The following SH2D4B variants were observed in gnomAD, a reference collection of about 807,000 sequenced individuals.
SH2D4B encodes the protein SH2 domain containing 4B.
In SH2D4B, 45 loss-of-function variants were observed where a neutral mutation model predicts 61.5. That is an observed-to-expected ratio of 0.73 (90% CI 0.58 to 0.94). The LOEUF (loss-of-function observed/expected upper bound fraction) is 0.94, where lower values mean the gene tolerates loss of function less well. Ranked by LOEUF, SH2D4B falls within the 40% of genes least tolerant of loss-of-function variation. The pLI, the probability that SH2D4B is intolerant of heterozygous loss-of-function variation, is 0.00. For synonymous variants in SH2D4B, 224 were observed against 220.4 expected (o/e 1.02, Z -0.14); for missense variants, 572 against 574.2 (o/e 1.00, Z 0.04).
At chr10:80,563,201 G>A (rs1015736288) in intron 1 of SH2D4B, among the ~76,000 whole-genome samples, 1 of 152,156 alleles carries the variant, frequency 6.6e-6, no homozygotes, top group Non-Finnish European at 1.5e-5. Context: ...GCGCCCGGCC[G>A]ATGCTGAACA....
At chr10:80,564,409 C>T (rs1841941332) in intron 1 of SH2D4B, among the ~76,000 whole-genome samples, 1 of 152,172 alleles carries the variant, frequency 6.6e-6, no homozygotes. Flanking sequence ...TGCAAGATTC[C>T]TTTCTCCTTG....
At chr10:80,624,383 G>A (rs1336482889) in intron 6 of SH2D4B, among the ~76,000 whole-genome samples, 2 of 152,138 alleles carry the variant, frequency 1.3e-5, no homozygotes, top group Non-Finnish European at 2.9e-5. Flanking sequence ...CCTAGAAAAC[G>A]CTCTTTCCTT....
At chr10:80,608,873 C>T (rs1842553938) in intron 5 of SH2D4B, among the ~76,000 whole-genome samples, 2 of 152,158 alleles carry the variant, frequency 1.3e-5, no homozygotes, top group South Asian at 4.1e-4. Flanking sequence ...TTCTGCCTTA[C>T]AAAAGCGCAG....
chr10:80,640,812 TC>T (rs1341209950), intron 7 of SH2D4B, among the ~76,000 whole-genome samples: 1 of 152,222 alleles, frequency 6.6e-6, no homozygotes. Flanking sequence ...AAGTCATTCT[TC>T]CTCCAGCTTT....
At position 80,578,330 on chromosome 10, in the gene SH2D4B, T is replaced by C. The variant is rs185271991; in HGVS notation, c.495+6752T>C. ...CAACAACCTTCATTTAATACTCTCT[T>C]TTTTTCCTGAGAACCTAAGGGGAGG... On this transcript the variant is annotated intron_variant, in intron 3 of 7. Coordinates refer to ENST00000646907, the MANE Select transcript of SH2D4B (RefSeq NM_001388272.1). Among the ~76,000 whole-genome samples the C allele has an allele frequency of 2.8e-3, 426 of 152,198 alleles. 11 individuals are homozygous for C. Among genetic ancestry groups the C allele is most frequent in the Non-Finnish European group, 8.4e-4 (57 of 68,030 alleles).
At chr10:80,549,207 G>A (rs1254004024) in intron 1 of SH2D4B, among the ~76,000 whole-genome samples, 1 of 120,180 alleles carries the variant, frequency 8.3e-6, no homozygotes, top group Non-Finnish European at 1.7e-5. Context: ...ACTTGATTGT[G>A]TGTGTGTGTG....
At position 80,537,913 on chromosome 10, in the gene SH2D4B, A is replaced by ACT. The variant is rs1417380315; in HGVS notation, c.-417_-416dup. On this transcript the variant is annotated 5_prime_UTR_variant, in exon 1 of 8. Coordinates refer to ENST00000646907, the MANE Select transcript of SH2D4B (RefSeq NM_001388272.1). ...CATTGTTACCTTCCACTAACAGATC[A>ACT]CTCGACACCTACCAGCCCAGGCAGG... 1 of 153,118 alleles carries ACT rather than the reference A, an allele frequency of 6.5e-6. No homozygotes were observed. 9.5% of individuals were successfully genotyped at this position (153,118 alleles called of 1,614,324 possible).
At chr10:80,577,956 T>C (rs1446833447) in intron 3 of SH2D4B, among the ~76,000 whole-genome samples, 1 of 147,296 alleles carries the variant, frequency 6.8e-6, no homozygotes, top group Non-Finnish European at 1.5e-5. Flanking sequence ...AGAGATTGGC[T>C]TAGATAATTT....
At chr10:80,606,176 T>A (rs1261493171) in intron 5 of SH2D4B, among the ~76,000 whole-genome samples, 3 of 152,092 alleles carry the variant, frequency 2.0e-5, no homozygotes, top group Non-Finnish European at 4.4e-5. Flanking sequence ...TAAGAGCAGA[T>A]GCATGCCGCT....
intron 6 of SH2D4B, among the ~76,000 whole-genome samples, chr10:80,629,583 G>A (rs549699471): frequency 1.1e-4 from 16 of 152,274 alleles, no homozygotes; most frequent in Non-Finnish European, 1.8e-4. Flanking sequence ...GGTTGTGGTG[G>A]GGGACACAGC....
chr10:80,550,261 C>T (rs1411848414), intron 1 of SH2D4B, among the ~76,000 whole-genome samples: 1 of 152,142 alleles, frequency 6.6e-6, no homozygotes, highest in Non-Finnish European at 1.5e-5. Flanking sequence ...GAAGATGCAC[C>T]CCTATGCATT....
intron 7 of SH2D4B, among the ~76,000 whole-genome samples, chr10:80,635,847 C>T (rs1840155967): frequency 6.6e-6 from 1 of 151,996 alleles, no homozygotes; most frequent in South Asian, 2.1e-4. Flanking sequence ...TGTGCACAAC[C>T]TGCAGGTTTG....
At chr10:80,549,129 A>T (rs1421951843) in intron 1 of SH2D4B, among the ~76,000 whole-genome samples, 4 of 151,886 alleles carry the variant, frequency 2.6e-5, no homozygotes, top group Non-Finnish European at 5.9e-5. Flanking sequence ...TTGTGTGGCT[A>T]AACATAGGGC....
intron 4 of SH2D4B, among the ~76,000 whole-genome samples, chr10:80,595,045 T>A (rs1021599023): frequency 2.0e-5 from 3 of 152,188 alleles, no homozygotes; most frequent in Non-Finnish European, 2.9e-5. Flanking sequence ...ATTAAAAAAA[T>A]TTAAAATTTA....
intron 1 of SH2D4B, among the ~76,000 whole-genome samples, chr10:80,548,727 A>G (rs540909949): frequency 5.3e-5 from 8 of 152,296 alleles, no homozygotes; most frequent in African/African-American, 1.9e-4. Flanking sequence ...TTCTGCTGGC[A>G]GATCCCCTTG....
intron 1 of SH2D4B, among the ~76,000 whole-genome samples, chr10:80,550,200 C>T (rs1841739928): frequency 6.6e-6 from 1 of 152,126 alleles, no homozygotes; most frequent in Non-Finnish European, 1.5e-5. Context: ...CCTGTCAGGC[C>T]TGTGCTAGGC....
At chr10:80,551,932 G>A (rs1318209406) in intron 1 of SH2D4B, among the ~76,000 whole-genome samples, 1 of 152,148 alleles carries the variant, frequency 6.6e-6, no homozygotes, top group Non-Finnish European at 1.5e-5. Flanking sequence ...CATGGTCAGG[G>A]GTCTGATGAG....
At chr10:80,566,808 C>G (rs1841974871) in intron 1 of SH2D4B, among the ~76,000 whole-genome samples, 1 of 152,098 alleles carries the variant, frequency 6.6e-6, no homozygotes. Context: ...ATCCTCTTAT[C>G]ATTTATTTTT....
chr10:80,585,979 CG>C (rs1216802667), intron 3 of SH2D4B, among the ~76,000 whole-genome samples: 1 of 152,126 alleles, frequency 6.6e-6, no homozygotes, highest in African/African-American at 2.4e-5. Flanking sequence ...AGCGTCGAGC[CG>C]GCCCCGCCAG....
Sources: gnomAD v4.1 joint callset for allele counts (sites outside exome capture counted in the v4.1 genomes callset) on GRCh38, gnomAD v4.1.1 for gene constraint, MANE v1.5 for transcripts, NCBI Gene and HGNC (gene_info 2026-07-23, HGNC 2026-07-21) for gene names.